The following ZNF273 variants were observed in gnomAD, a reference collection of about 807,000 sequenced individuals.
The protein encoded by ZNF273 is zinc finger protein 273, also known as zinc finger protein 9.
Under a neutral mutation model 14.9 loss-of-function variants are expected in ZNF273, and 11 were observed. The observed-to-expected ratio is 0.74, with a 90% CI of 0.46 to 1.22. The LOEUF is 1.22. Ranked by LOEUF, ZNF273 falls within the 50% of genes most tolerant of loss-of-function variation. The pLI, the probability that ZNF273 is intolerant of heterozygous loss-of-function variation, is 0.00. For missense variants in ZNF273, 577 were observed against 660.6 expected, an observed-to-expected ratio of 0.87 and a Z score of 1.39; for synonymous variants, 199 against 223.9, an observed-to-expected ratio of 0.89 and a Z score of 0.99.
intron 1 of ZNF273, among the ~76,000 whole-genome samples, chr7:64,913,852 C>T (rs1014278133): frequency 1.3e-5 from 2 of 151,998 alleles, no homozygotes; most frequent in Admixed American, 1.3e-4. Flanking sequence ...CAATGCTTAG[C>T]TAAGTGGTTA....
At chr7:64,936,405 G>A in the ZNF273 span, among the ~76,000 whole-genome samples, 1 of 152,132 alleles carries the variant, frequency 6.6e-6, no homozygotes, top group Non-Finnish European at 1.5e-5. Context: ...TCTTCTGCCT[G>A]CTTACAGAGA....
intron 3 of ZNF273, chr7:64,923,896 CTA>C (rs1296796804): frequency 1.3e-5 from 2 of 151,956 alleles, no homozygotes; most frequent in Non-Finnish European, 2.9e-5. Flanking sequence ...AAATCAGAAA[CTA>C]TAATGCTTCC....
In ZNF273 at chr7:64,903,418, T is replaced by C. The variant is rs1792869829; in HGVS notation, c.101T>C (p.Met34Thr). Reference sequence around the variant, plus strand: ...CCAGGACTCCCTGGAAGCCTAGAAATGGTGAGAGTGCCGGGTCCCAGATCC... The same window carrying C: ...CCAGGACTCCCTGGAAGCCTAGAAACGGTGAGAGTGCCGGGTCCCAGATCC... ...KTPGLPGSLE[M>T]GPLTFRDVAI... The change falls in exon 1 of 4, where the codon ATG becomes ACG. Residue 34 changes from methionine to threonine, a missense_variant and splice_region_variant. By Grantham distance (81) the Met-to-Thr change is moderately conservative (BLOSUM62 -1). This residue lies in a region of ZNF273 where 162 missense variants were observed against 203.5 expected (regional missense o/e 0.80). Transcript: ENST00000476120. The C allele has an allele frequency of 6.2e-7, 1 of 1,611,190 alleles. No homozygotes were observed. The highest frequency in any genetic ancestry group is 8.5e-7 in the Non-Finnish European group (1 of 1,177,756).
chr7:64,885,159 T>C (rs1791504194), intron 1 of ZNF273, among the ~76,000 whole-genome samples: 1 of 152,196 alleles, frequency 6.6e-6, no homozygotes, highest in African/African-American at 2.4e-5. Flanking sequence ...GCTCCTCTTC[T>C]CTGGGGGATC....
At chr7:64,925,534 T>G (rs1794729624) in intron 3 of ZNF273, among the ~76,000 whole-genome samples, 1 of 152,056 alleles carries the variant, frequency 6.6e-6, no homozygotes, top group African/African-American at 2.4e-5. Flanking sequence ...GTTTCCCAGG[T>G]TCAAACAATT....
intron 4 of ZNF273, chr7:64,898,141 T>C (rs11770755): frequency 2.0e-5 from 3 of 152,244 alleles, no homozygotes; most frequent in African/African-American, 7.2e-5. Flanking sequence ...AGTTATTCTG[T>C]CAATAGAATA....
intron 1 of ZNF273, among the ~76,000 whole-genome samples, chr7:64,909,990 T>G (rs1357428510): frequency 6.6e-6 from 1 of 152,182 alleles, no homozygotes; most frequent in East Asian, 1.9e-4. Flanking sequence ...GTGTCTTCTC[T>G]TGAAGAACAT....
rs148016117 is a variant in ZNF273, at chr7:64,918,916, A to G, written c.325+624A>G. ...CTGCTTTTCCATTGTTTTGGGGGACACACAGATATCTGCATAATTTTGAGA... is the reference window on the plus strand; with the variant it reads ...CTGCTTTTCCATTGTTTTGGGGGACGCACAGATATCTGCATAATTTTGAGA... On this transcript the variant is annotated intron_variant, in intron 3 of 3. Coordinates refer to ENST00000476120, the MANE Select transcript of ZNF273 (RefSeq NM_021148.3). Among the ~76,000 whole-genome samples, 321 of 152,278 alleles carry G rather than the reference A, an allele frequency of 2.1e-3. 1 individual carries two copies. Among genetic ancestry groups the G allele is most frequent in the Non-Finnish European group, 3.4e-3 (228 of 68,020 alleles).
chr7:64,896,563 GAA>G (rs1562952610), intron 3 of ZNF273, among the ~76,000 whole-genome samples: 1 of 151,876 alleles, frequency 6.6e-6, no homozygotes, highest in Non-Finnish European at 1.5e-5. Flanking sequence ...GAAAATCTTT[GAA>G]ATATAAATGA....
chr7:64,936,900 C>T, the ZNF273 span, among the ~76,000 whole-genome samples: 1 of 152,114 alleles, frequency 6.6e-6, no homozygotes, highest in Non-Finnish European at 1.5e-5. Flanking sequence ...AGAAAGGTGA[C>T]AGAAATTGAA....
At position 64,928,794 on chromosome 7, in the gene ZNF273, A is replaced by G. The variant is rs768591541; in HGVS notation, c.1466A>G (p.Asn489Ser). 3.7e-6 allele frequency: 6 copies of G among 1,613,762 alleles called. No homozygotes were observed. The highest frequency in any genetic ancestry group is 1.3e-5 in the African/African-American group (1 of 75,002). ...VHTGEKPYKC[N>S]ECGKAFNWSS... The stretch of plus-strand genomic sequence containing the variant: ...ACTGGAGAGAAACCTTACAAATGCA[A>G]TGAATGTGGTAAAGCCTTTAACTGG... Residue 489 changes from asparagine to serine, a missense_variant, in exon 4 of 4, where the codon AAT becomes AGT. Transcript: ENST00000476120.
intron 1 of ZNF273, among the ~76,000 whole-genome samples, chr7:64,906,986 CAG>C (rs1793156252): frequency 6.6e-6 from 1 of 152,096 alleles, no homozygotes; most frequent in Non-Finnish European, 1.5e-5. Context: ...GATTTTATAT[CAG>C]AGAATGTTTT....
chr7:64,905,145 T>A, intron 1 of ZNF273, among the ~76,000 whole-genome samples: 1 of 133,068 alleles, frequency 7.5e-6, no homozygotes, highest in Non-Finnish European at 1.6e-5. Context: ...TGAGACAGTC[T>A]CATTCTGTCG....
intron 1 of ZNF273, chr7:64,917,057 T>G: frequency 7.8e-7 from 1 of 1,285,182 alleles, no homozygotes; most frequent in Non-Finnish European, 1.0e-6. Flanking sequence ...AATCACAGGC[T>G]CTTCCACTTA....
intron 1 of ZNF273, among the ~76,000 whole-genome samples, chr7:64,909,223 TTTC>T (rs1793316754): frequency 7.4e-6 from 1 of 134,752 alleles, no homozygotes; most frequent in African/African-American, 2.8e-5. Flanking sequence ...AACAATATGT[TTTC>T]TTCTTTTTTT....
At chr7:64,923,573 C>T (rs1794621696) in intron 3 of ZNF273, 1 of 328,422 alleles carries the variant, frequency 3.0e-6, no homozygotes, top group African/African-American at 2.2e-5. Context: ...AACGCCTGAC[C>T]TCGTGTGATC....
chr7:64,913,890 A>G (rs1304950684), intron 1 of ZNF273, among the ~76,000 whole-genome samples: 2 of 152,134 alleles, frequency 1.3e-5, no homozygotes, highest in South Asian at 2.1e-4. Context: ...TGAGGATTAC[A>G]TGGCCAATTT....
rs530942343 is a variant in ZNF273, at chr7:64,913,709, G to A, written c.103-3872G>A. Among the ~76,000 whole-genome samples, 21 of 152,286 alleles carry A rather than the reference G, an allele frequency of 1.4e-4. No individual in the cohort carries two copies. In the South Asian group the frequency reaches 2.1e-3, roughly 15 times the overall value. On this transcript the variant is annotated intron_variant, in intron 1 of 3. Transcript: ENST00000476120. Reference sequence around the variant, plus strand: ...CTAGAGCTAATAATGAGCCTAAGGGGAGCAACATCAGCATTGACGAGGACT... The same window carrying A: ...CTAGAGCTAATAATGAGCCTAAGGGAAGCAACATCAGCATTGACGAGGACT...
chr7:64,915,223 G>C (rs1793886629), intron 1 of ZNF273, among the ~76,000 whole-genome samples: 1 of 150,858 alleles, frequency 6.6e-6, no homozygotes, highest in African/African-American at 2.4e-5. Context: ...TTTCCTTTGT[G>C]GCTGTGGATA....
Sources: gnomAD v4.1 joint callset for allele counts (sites outside exome capture counted in the v4.1 genomes callset) on GRCh38, gnomAD v4.1.1 for gene constraint, gnomAD v4.1.1 regional missense constraint, MANE v1.5 for transcripts, NCBI Gene and HGNC (gene_info 2026-07-23, HGNC 2026-07-21) for gene names.